SOX8: variants seen among roughly 807,000 people sequenced by gnomAD.
SOX8 encodes the protein transcription factor SOX-8.
SOX8 carries 9 observed loss-of-function variants against 22.9 expected under a neutral mutation model. The observed-to-expected ratio is 0.39, with a 90% CI of 0.24 to 0.69. The LOEUF is 0.69. Ranked by LOEUF, SOX8 falls within the 30% of genes least tolerant of loss-of-function variation. The pLI is 0.43. For missense variants in SOX8, 734 were observed against 699.4 expected, an observed-to-expected ratio of 1.05 and a Z score of -0.56; for synonymous variants, 416 against 330.6, an observed-to-expected ratio of 1.26 and a Z score of -2.80.
rs1486758752 is a variant in SOX8, at chr16:982,000, G to A, written c.78G>A (p.Glu26=). 1.4e-6 allele frequency: 2 copies of A among 1,419,482 alleles called. No homozygotes were observed. The highest frequency in any genetic ancestry group is 1.5e-5 in the African/African-American group (1 of 67,392). 87.9% of individuals were successfully genotyped at this position (1,419,482 alleles called of 1,614,324 possible). A position where few individuals can be genotyped will look rare whatever the true frequency, so the allele number is the denominator to read the frequency against. ...SGTASSMSHV[E]DSDSDAPPSP... The stretch of plus-strand genomic sequence containing the variant: ...CCGCCAGCTCCATGTCGCACGTGGA[G>A]GACTCGGACTCGGACGCGCCGCCGT... Residue 26 remains glutamate, a synonymous_variant, in exon 1 of 3, where the codon GAG becomes GAA. Transcript: ENST00000293894.
At chr16:982,762 G>A (rs1054714655) in intron 1 of SOX8, 24 of 166,382 alleles carry the variant, frequency 1.4e-4, no homozygotes, top group African/African-American at 2.1e-4. Context: ...CCTTAGAAAG[G>A]GCTCAGCTCC....
chr16:983,687 G>C (rs535813192), intron 1 of SOX8, 41 bp from the exon 2 acceptor site: 1 of 1,580,170 alleles, frequency 6.3e-7, no homozygotes, highest in East Asian at 2.2e-5. Context: ...CGAGGGCACA[G>C]TGGGCGCCCT....
In SOX8 at chr16:985,579, C is replaced by T. The variant is rs2073453235; in HGVS notation, c.*193C>T. The T allele has an allele frequency of 3.7e-6, 2 of 536,760 alleles. No individual in the cohort carries two copies. Among genetic ancestry groups the T allele is most frequent in the Non-Finnish European group, 6.5e-6 (2 of 307,550 alleles). 33.2% of individuals were successfully genotyped at this position (536,760 alleles called of 1,614,324 possible). A position where few individuals can be genotyped will look rare whatever the true frequency, so the allele number is the denominator to read the frequency against. On this transcript the variant is annotated 3_prime_UTR_variant, in exon 3 of 3. Coordinates refer to ENST00000293894, the MANE Select transcript of SOX8 (RefSeq NM_014587.5). ...ACCTCTGCCGACGACGGACCAGCTC[C>T]CTCTCCCTTCTATCTTTCTTTTTGA...
In SOX8 at chr16:984,685, G is replaced by A; in HGVS notation, c.656-16G>A. 6.8e-7 allele frequency: 1 copy of A among 1,467,186 alleles called. No homozygotes were observed. The highest frequency in any genetic ancestry group is 9.0e-7 in the Non-Finnish European group (1 of 1,109,046). The allele number at this position is 1,467,186 out of a possible 1,614,324, so 90.9% of individuals were successfully genotyped here. A position where few individuals can be genotyped will look rare whatever the true frequency, so the allele number is the denominator to read the frequency against. On this transcript the variant is annotated splice_polypyrimidine_tract_variant and intron_variant, in intron 2 of 2. Coordinates refer to ENST00000293894, the MANE Select transcript of SOX8 (RefSeq NM_014587.5). ...GAAGGGGCATTCATCCCTGAAGCCT[G>A]CTCTCCTGTCCCCAGGGCAGACCCA...
rs2073463958 is a variant in SOX8 at position 986,548 on chromosome 16, T to C, written c.*1162T>C. ...TTGGCTCGCAGGCACCAGTGCCACCTACCAAGCTGTGAAACTAAACCTTCT... is the reference window on the plus strand; with the variant it reads ...TTGGCTCGCAGGCACCAGTGCCACCCACCAAGCTGTGAAACTAAACCTTCT... On this transcript the variant is annotated 3_prime_UTR_variant, in exon 3 of 3. Transcript: ENST00000293894. The C allele has an allele frequency of 1.3e-5, 2 of 152,428 alleles. No individual in the cohort carries two copies. Among genetic ancestry groups the C allele is most frequent in the African/African-American group, 4.8e-5 (2 of 41,470 alleles). 9.4% of individuals were successfully genotyped at this position (152,428 alleles called of 1,614,324 possible). A position where few individuals can be genotyped will look rare whatever the true frequency, so the allele number is the denominator to read the frequency against.
At chr16:983,677 C>A in intron 1 of SOX8, 51 bp from the exon 2 acceptor site, 1 of 1,552,046 alleles carries the variant, frequency 6.4e-7, no homozygotes. Flanking sequence ...GTGCCTGCGC[C>A]GAGGGCACAG....
intron 2 of SOX8, among the ~76,000 whole-genome samples, chr16:984,464 C>T (rs763435787): frequency 5.2e-4 from 79 of 152,250 alleles, no homozygotes; most frequent in Non-Finnish European, 9.3e-4. Flanking sequence ...TTCCCCCCAC[C>T]TTGGTCTCTG....
chr16:984,025 C>G, intron 2 of SOX8, 65 bp downstream of exon 2: 1 of 1,350,580 alleles, frequency 7.4e-7, no homozygotes, highest in Non-Finnish European at 9.9e-7. Flanking sequence ...GGGTTTCTGG[C>G]TGAGAAGGGT....
chr16:984,404 C>T (rs1373200957), intron 2 of SOX8, among the ~76,000 whole-genome samples: 3 of 152,202 alleles, frequency 2.0e-5, no homozygotes, highest in African/African-American at 7.2e-5. Context: ...TGTGTGGTCC[C>T]CCAGCGCCCT....
Position 985,387 on chromosome 16 carries a change from G to C in SOX8, c.*1G>C. The C allele has an allele frequency of 6.5e-7, 1 of 1,535,818 alleles. No individual in the cohort carries two copies. Among genetic ancestry groups the C allele is most frequent in the Admixed American group, 1.9e-5 (1 of 52,132 alleles). ...GTACACCACCCTGACCAGGCCCTGA[G>C]GGCCCAGCCGCGGGGAGGGACTCGC... On this transcript the variant is annotated 3_prime_UTR_variant, in exon 3 of 3. Coordinates refer to ENST00000293894, the MANE Select transcript of SOX8 (RefSeq NM_014587.5).
chr16:983,611 T>G, intron 1 of SOX8, 117 bp from the exon 2 acceptor site: 2 of 933,656 alleles, frequency 2.1e-6, no homozygotes, highest in Non-Finnish European at 3.1e-6. Flanking sequence ...GCAGGCGGGT[T>G]TCCCTGGTCA....
intron 1 of SOX8, 39 bp downstream of exon 1, chr16:982,383 G>C (rs1421559092): frequency 7.6e-7 from 1 of 1,308,638 alleles, no homozygotes; most frequent in Non-Finnish European, 9.7e-7. Context: ...TCGGGACCTT[G>C]GCCGCCCCTG....
Position 981,932 on chromosome 16 carries a change from A to C in SOX8, c.10A>C (p.Met4Leu). 2 of 1,372,294 alleles carry C rather than the reference A, an allele frequency of 1.5e-6. No homozygotes were observed. Among genetic ancestry groups the C allele is most frequent in the Non-Finnish European group, 1.9e-6 (2 of 1,059,908 alleles). The allele number at this position is 1,372,294 out of a possible 1,614,324, so 85.0% of individuals were successfully genotyped here. The change falls in exon 1 of 3, where the codon ATG (methionine) becomes CTG (leucine). Residue 4 changes from methionine (M) to leucine (L), a missense_variant. Met to Leu is a conservative substitution (Grantham distance 15). This residue lies in a region of SOX8 where 139 missense variants were observed against 109.1 expected (regional missense o/e 1.27). Transcript: ENST00000293894. MLD[M>L]SEARSQPPCS... ...TCCGCGCGCGGCCCCGATGCTGGAC[A>C]TGAGCGAGGCCCGCTCCCAGCCGCC...
In SOX8 at chr16:981,892, T is replaced by C. The variant is rs1596198252; in HGVS notation, c.-31T>C. The C allele has an allele frequency of 2.6e-6, 3 of 1,174,530 alleles. No homozygotes were observed. The highest frequency in any genetic ancestry group is 4.1e-5 in the East Asian group (1 of 24,678). 72.8% of individuals were successfully genotyped at this position (1,174,530 alleles called of 1,614,324 possible). On this transcript the variant is annotated 5_prime_UTR_variant, in exon 1 of 3. Coordinates refer to ENST00000293894, the MANE Select transcript of SOX8 (RefSeq NM_014587.5). ...CCGGGCGCCGGCCCCGGTGCGCGTC[T>C]CCTGTGCGCGCCCCTCCGCGCGCGG... is the stretch of plus-strand genomic sequence containing the variant.
chr16:985,646 C>G lies in SOX8; in HGVS notation c.*260C>G. 2.1e-6 allele frequency: 1 copy of G among 477,186 alleles called. No individual in the cohort carries two copies. The highest frequency in any genetic ancestry group is 3.7e-6 in the Non-Finnish European group (1 of 271,150). 29.6% of individuals were successfully genotyped at this position (477,186 alleles called of 1,614,324 possible). On this transcript the variant is annotated 3_prime_UTR_variant, in exon 3 of 3. Coordinates refer to ENST00000293894, the MANE Select transcript of SOX8 (RefSeq NM_014587.5). ...CACAAAGAAGGGCTGCCGTTTGGTC[C>G]CTCTTCCGTGAGGACTGGCGGCACC... is the stretch of plus-strand genomic sequence containing the variant.
Position 986,111 on chromosome 16 carries a change from T to A in SOX8, c.*725T>A, listed in dbSNP as rs375255856. The A allele has an allele frequency of 5.3e-5, 8 of 152,374 alleles. No homozygotes were observed. In the East Asian group the frequency reaches 7.7e-4, roughly 15 times the overall value. 9.4% of individuals were successfully genotyped at this position (152,374 alleles called of 1,614,324 possible). A position where few individuals can be genotyped will look rare whatever the true frequency, so the allele number is the denominator to read the frequency against. ...AGGTAATTCGGGCAAAGAGTAGAAT[T>A]TAAGACAAAACGGAAGCTGGGAAGC... On this transcript the variant is annotated 3_prime_UTR_variant, in exon 3 of 3. Transcript: ENST00000293894.
chr16:985,127 G>A lies in SOX8; in HGVS notation c.1082G>A (p.Cys361Tyr). The A allele has an allele frequency of 6.3e-7, 1 of 1,599,402 alleles. No homozygotes were observed. The highest frequency in any genetic ancestry group is 8.5e-7 in the Non-Finnish European group (1 of 1,175,868). The change falls in exon 3 of 3, where the codon TGC becomes TAC. Residue 361 changes from cysteine (C) to tyrosine (Y), a missense_variant. Cys to Tyr is a radical substitution (Grantham distance 194). Transcript: ENST00000293894. ...QPRGSPDYGS[C>Y]SGQSSATPAA... ...CGAGGCTCGCCCGACTACGGTTCCT[G>A]CAGCGGCCAGTCCAGCGCCACCCCG... is the stretch of plus-strand genomic sequence containing the variant.
In SOX8 at chr16:981,938, G is replaced by A; in HGVS notation, c.16G>A (p.Glu6Lys). 1 of 1,401,284 alleles carries A rather than the reference G, an allele frequency of 7.1e-7. No individual in the cohort carries two copies. Among genetic ancestry groups the A allele is most frequent in the Non-Finnish European group, 9.3e-7 (1 of 1,074,914 alleles). The allele number at this position is 1,401,284 out of a possible 1,614,324, so 86.8% of individuals were successfully genotyped here. A position where few individuals can be genotyped will look rare whatever the true frequency, so the allele number is the denominator to read the frequency against. Reference protein sequence around the residue: MLDMSEARSQPPCSPS... With the variant: MLDMSKARSQPPCSPS... ...CGCGGCCCCGATGCTGGACATGAGC[G>A]AGGCCCGCTCCCAGCCGCCCTGCAG... Residue 6 changes from glutamate to lysine, a missense_variant, in exon 1 of 3, where the codon GAG becomes AAG. Around this residue, in one of 3 missense-constraint regions of SOX8, gnomAD observed 139 missense variants for 109.1 expected, o/e 1.27. Transcript: ENST00000293894.
rs1225347958 is a variant in SOX8, at chr16:982,086, ACCCGGCGGAGGCGGCGGACGAGCGCTT to A, written c.171_197del (p.Glu58_Ala66del). 1 of 1,304,024 alleles carries A rather than the reference ACCCGGCGGAGGCGGCGGACGAGCGCTT, an allele frequency of 7.7e-7. No homozygotes were observed. Among genetic ancestry groups the A allele is most frequent in the Non-Finnish European group, 9.7e-7 (1 of 1,035,994 alleles). The allele number at this position is 1,304,024 out of a possible 1,614,324, so 80.8% of individuals were successfully genotyped here. On this transcript the variant is annotated inframe_deletion, in exon 1 of 3. Transcript: ENST00000293894. Reference sequence around the variant, plus strand: ...GTCGCGGTGGGGGGCGCCCGGGGCGACCCGGCGGAGGCGGCGGACGAGCGCTTCCCGGCCTGCATCCGCGACGCCGTG... The same window carrying A: ...GTCGCGGTGGGGGGCGCCCGGGGCGACCCGGCCTGCATCCGCGACGCCGTG...
Sources: gnomAD v4.1 joint callset for allele counts (sites outside exome capture counted in the v4.1 genomes callset) on GRCh38, gnomAD v4.1.1 for gene constraint, gnomAD v4.1.1 regional missense constraint, MANE v1.5 for transcripts, NCBI Gene and HGNC (gene_info 2026-07-23, HGNC 2026-07-21) for gene names.